The following CUX1 variants were observed in gnomAD, a reference collection of about 807,000 sequenced individuals.
CUX1 encodes protein CASP.
CUX1 carries 31 observed loss-of-function variants against 158.8 expected under a neutral mutation model. The ratio of observed to expected loss-of-function variants is 0.20; its 90% CI spans 0.15 to 0.26. The LOEUF (loss-of-function observed/expected upper bound fraction) is 0.26, where lower values mean the gene tolerates loss of function less well. CUX1 is among the 10% of genes least tolerant of loss of function. The probability of loss-of-function intolerance (pLI) is 1.00; values close to 1 mark genes in which losing one functional copy is unlikely to be tolerated. For synonymous variants in CUX1, 879 were observed against 862.1 expected (o/e 1.02, Z -0.34); for missense variants, 1,589 against 2,014.6 (o/e 0.79, Z 4.04).
chr7:102,181,651 C>T (rs888977462), intron 11 of CUX1, among the ~76,000 whole-genome samples: 8 of 152,330 alleles, frequency 5.3e-5, no homozygotes, highest in African/African-American at 1.9e-4. Flanking sequence ...ACCTTATCTT[C>T]ATCTAATCTA....
intron 2 of CUX1, among the ~76,000 whole-genome samples, chr7:101,918,494 G>A (rs1264385374): frequency 6.6e-6 from 1 of 152,214 alleles, no homozygotes; most frequent in Non-Finnish European, 1.5e-5. Flanking sequence ...ATGATGGAAG[G>A]TCACCACCTG....
At chr7:102,154,447 C>T in intron 8 of CUX1, 1 of 127,278 alleles carries the variant, frequency 7.9e-6, no homozygotes, top group African/African-American at 2.9e-5. Flanking sequence ...CCATCTGTAC[C>T]AAAAAAAAAA....
chr7:102,121,231 G>C lies in CUX1; in HGVS notation c.674+5958G>C, dbSNP rs182392343. The stretch of plus-strand genomic sequence containing the variant: ...TATTCAGGCTGGAGTGCAGTGGTGC[G>C]ATCATGGCTCACTGCAACCTCCACC... On this transcript the variant is annotated intron_variant, in intron 8 of 23. Transcript: ENST00000292535. 1.1e-4 allele frequency among the ~76,000 whole-genome samples: 17 copies of C among 152,134 alleles called. No homozygotes were observed. In the East Asian group the frequency reaches 2.5e-3, roughly 22 times the overall value.
intron 2 of CUX1, among the ~76,000 whole-genome samples, chr7:101,922,280 C>T (rs182581424): frequency 2.0e-5 from 3 of 152,262 alleles, no homozygotes; most frequent in African/African-American, 4.8e-5. Flanking sequence ...AATGGCAGAG[C>T]GTGTTAAGTG....
intron 2 of CUX1, among the ~76,000 whole-genome samples, chr7:102,025,833 A>G (rs1489760824): frequency 1.3e-5 from 2 of 152,190 alleles, no homozygotes; most frequent in East Asian, 3.8e-4. Flanking sequence ...ATGTTTCTAC[A>G]GGATCACAAT....
At chr7:102,013,352 A>G (rs1029181193) in intron 2 of CUX1, among the ~76,000 whole-genome samples, 12 of 152,350 alleles carry the variant, frequency 7.9e-5, no homozygotes, top group African/African-American at 2.9e-4. Context: ...ATGGACTTCT[A>G]TGATTCATCT....
At chr7:101,844,105 G>A (rs955379157) in intron 1 of CUX1, among the ~76,000 whole-genome samples, 4 of 152,074 alleles carry the variant, frequency 2.6e-5, no homozygotes, top group Admixed American at 2.0e-4. Context: ...CCCTAAGCAC[G>A]TTTGAATCAT....
chr7:101,964,284 C>T (rs961739905), intron 2 of CUX1, among the ~76,000 whole-genome samples: 8 of 151,802 alleles, frequency 5.3e-5, no homozygotes, highest in South Asian at 4.2e-4. Context: ...ACCTGGGGGG[C>T]GGAGGTTGCA....
At chr7:101,888,040 A>G (rs1329866748) in intron 1 of CUX1, among the ~76,000 whole-genome samples, 1 of 152,152 alleles carries the variant, frequency 6.6e-6, no homozygotes, top group Non-Finnish European at 1.5e-5. Context: ...TGAGTTCCAT[A>G]AACATTATTG....
chr7:102,015,739 A>G (rs752895150), intron 2 of CUX1, among the ~76,000 whole-genome samples: 3 of 152,162 alleles, frequency 2.0e-5, no homozygotes, highest in Non-Finnish European at 4.4e-5. Context: ...CCCGCTATGC[A>G]TCGTCCAGAT....
intron 1 of CUX1, among the ~76,000 whole-genome samples, chr7:101,891,181 G>A (rs1800840300): frequency 6.6e-6 from 1 of 152,080 alleles, no homozygotes; most frequent in Non-Finnish European, 1.5e-5. Flanking sequence ...TGGCTGTTTG[G>A]AGTCTGAGAC....
chr7:102,019,871 T>G (rs1395067823), intron 2 of CUX1, among the ~76,000 whole-genome samples: 4 of 152,246 alleles, frequency 2.6e-5, no homozygotes, highest in Non-Finnish European at 5.9e-5. Flanking sequence ...CACAAAGATG[T>G]GCATTTTATC....
chr7:101,827,924 G>C (rs1053621552), intron 1 of CUX1, among the ~76,000 whole-genome samples: 4 of 151,636 alleles, frequency 2.6e-5, no homozygotes, highest in Admixed American at 2.6e-4. Context: ...GGAAGGGCTG[G>C]AGCAGGTGGA....
chr7:101,817,184 C>T (rs941382005), upstream of CUX1: 78 of 983,890 alleles, frequency 7.9e-5, no homozygotes, highest in Non-Finnish European at 9.0e-5. The surrounding 1 kb of genome is among the most constrained non-coding windows in gnomAD (Gnocchi z 4.1). Context: ...CCAAGCTGTT[C>T]CCCCGGGTGC....
intron 9 of CUX1, among the ~76,000 whole-genome samples, chr7:102,163,106 G>A (rs1368028213): frequency 6.6e-6 from 1 of 152,214 alleles, no homozygotes; most frequent in Non-Finnish European, 1.5e-5. Flanking sequence ...GGAATATCGA[G>A]AGAATATTTC....
intron 2 of CUX1, among the ~76,000 whole-genome samples, chr7:101,982,784 C>T (rs886069593): frequency 1.3e-5 from 2 of 151,854 alleles, no homozygotes; most frequent in African/African-American, 4.8e-5. Context: ...AGGTTTGTTA[C>T]ATATGTATAT....
Position 102,043,108 on chromosome 7 carries a change from G to A in CUX1, c.189+14963G>A, listed in dbSNP as rs749467643. Reference sequence around the variant, plus strand: ...AGGGACTGTGGACGTGTGCCACCACGCCTGGCTAATTTTTTTATTTTTTGT... The same window carrying A: ...AGGGACTGTGGACGTGTGCCACCACACCTGGCTAATTTTTTTATTTTTTGT... On this transcript the variant is annotated intron_variant, in intron 3 of 23. Coordinates refer to ENST00000292535, the MANE Select transcript of CUX1 (RefSeq NM_181552.4). Among the ~76,000 whole-genome samples, 15 of 152,018 alleles carry A rather than the reference G, an allele frequency of 9.9e-5. 1 individual carries two copies. Among genetic ancestry groups the A allele is most frequent in the Middle Eastern group, 6.8e-3 (2 of 294 alleles).
chr7:101,969,359 C>CAAAAAAAAAAAAAAAAAAAAAAAAACAG (rs10711703), intron 2 of CUX1, among the ~76,000 whole-genome samples: 2 of 56,112 alleles, frequency 3.6e-5, no homozygotes, highest in African/African-American at 7.5e-5. Context: ...CAAAAAACAG[C>CAAAAAAAAAAAAAAAAAAAAAAAAACAG]AAAAAAAAAA....
intron 1 of CUX1, among the ~76,000 whole-genome samples, chr7:101,908,909 A>G (rs1803076605): frequency 6.6e-6 from 1 of 152,202 alleles, no homozygotes; most frequent in African/African-American, 2.4e-5. Flanking sequence ...ACAGGTTACA[A>G]TGGGGATGCG....
Sources: allele counts gnomAD v4.1 joint callset (sites outside exome capture counted in the v4.1 genomes callset), GRCh38; gene constraint gnomAD v4.1.1; non-coding constraint Gnocchi (gnomAD v3.1); transcripts MANE v1.5; gene names NCBI Gene and HGNC (gene_info 2026-07-23, HGNC 2026-07-21).